CCNH: variants seen among roughly 807,000 people sequenced by gnomAD.
CCNH encodes cyclin H.
In CCNH, 31 loss-of-function variants were observed where a neutral mutation model predicts 41.9. The observed-to-expected ratio is 0.74, with a 90% confidence interval of 0.56 to 1.00. The LOEUF (loss-of-function observed/expected upper bound fraction) is 1.00, where lower values mean the gene tolerates loss of function less well. CCNH is among the 50% of genes least tolerant of loss of function. CCNH has a pLI of 0.00. For missense variants in CCNH, 362 were observed against 388.4 expected, an observed-to-expected ratio of 0.93 and a Z score of 0.57; for synonymous variants, 138 against 136.1, an observed-to-expected ratio of 1.01 and a Z score of -0.10.
intron 9 of CCNH, among the ~76,000 whole-genome samples, chr5:87,368,429 T>C (rs1436378481): frequency 6.6e-6 from 1 of 152,210 alleles, no homozygotes; most frequent in Non-Finnish European, 1.5e-5. Context: ...CTTTCTGGTT[T>C]TTCATCTTAA....
rs564906280 is a variant in CCNH, at chr5:87,333,750, T to C, written c.*91-14853A>G. On this transcript the variant is annotated intron_variant and NMD_transcript_variant, in intron 9 of 9. Coordinates refer to the CCNH transcript ENST00000645953. ...AACTATGCAACATGTTAGTTTGTGG[T>C]TTTATTTCTATATAATTATATAATT... is the stretch of plus-strand genomic sequence containing the variant. Among the ~76,000 whole-genome samples the C allele has an allele frequency of 2.6e-5, 4 of 152,268 alleles. No individual in the cohort carries two copies. The South Asian group carries it at 8.3e-4, about 32-fold the overall frequency.
At chr5:87,349,002 A>G (rs1759062628) in intron 9 of CCNH, among the ~76,000 whole-genome samples, 2 of 151,964 alleles carry the variant, frequency 1.3e-5, no homozygotes, top group South Asian at 4.1e-4. Context: ...TAAAGCTGGT[A>G]AGATACACCA....
chr5:87,410,047 G>C (rs1764111184), intron 2 of CCNH, among the ~76,000 whole-genome samples: 1 of 152,134 alleles, frequency 6.6e-6, no homozygotes, highest in African/African-American at 2.4e-5. Context: ...AGCTAATAAG[G>C]AACAGGAATG....
chr5:87,393,648 G>A (rs1381919394), downstream of CCNH: 4 of 151,954 alleles, frequency 2.6e-5, no homozygotes, highest in African/African-American at 7.3e-5. Context: ...CTACTTACAC[G>A]GATTCACTTA....
chr5:87,372,193 C>A (rs1173108838), downstream of CCNH: 17 of 1,612,898 alleles, frequency 1.1e-5, no homozygotes, highest in Non-Finnish European at 9.3e-6. Context: ...ACGCCTTCGT[C>A]AGGTGAAGCT....
chr5:87,337,971 C>T, intron 9 of CCNH: 2 of 1,602,946 alleles, frequency 1.2e-6, no homozygotes, highest in Non-Finnish European at 1.7e-6. Context: ...TTGCTATTTT[C>T]AGTTTCTTAA....
chr5:87,405,877 T>C (rs928263417), intron 4 of CCNH, among the ~76,000 whole-genome samples: 4 of 152,022 alleles, frequency 2.6e-5, no homozygotes, highest in East Asian at 3.9e-4. Flanking sequence ...TTTGCAACTA[T>C]ACCAAGATTT....
chr5:87,323,567 T>C (rs962472847), intron 9 of CCNH, among the ~76,000 whole-genome samples: 3 of 152,222 alleles, frequency 2.0e-5, no homozygotes, highest in African/African-American at 7.2e-5. Context: ...ATAAGTAAGG[T>C]AGTATGTCTG....
intron 4 of CCNH, among the ~76,000 whole-genome samples, chr5:87,406,867 A>G (rs1373004326): frequency 6.6e-6 from 1 of 152,128 alleles, no homozygotes; most frequent in Non-Finnish European, 1.5e-5. Flanking sequence ...GATGCGCGAT[A>G]AATACCTGAT....
intron 9 of CCNH, among the ~76,000 whole-genome samples, chr5:87,328,251 C>CA (rs1561284501): frequency 6.6e-6 from 1 of 152,076 alleles, no homozygotes; most frequent in Non-Finnish European, 1.5e-5. Context: ...ATGTTACACT[C>CA]AGAGTATTCT....
At chr5:87,332,436 C>T in intron 9 of CCNH, 1 of 1,431,552 alleles carries the variant, frequency 7.0e-7, no homozygotes, top group Non-Finnish European at 9.7e-7. Flanking sequence ...TTTATAATTT[C>T]TTTATAAAAC....
chr5:87,397,674 A>G (rs1763075074), intron 7 of CCNH, among the ~76,000 whole-genome samples: 1 of 152,218 alleles, frequency 6.6e-6, no homozygotes, highest in South Asian at 2.1e-4. Context: ...GGCCCAGTAC[A>G]AGGCAGATGG....
At position 87,376,541 on chromosome 5, in the gene CCNH, A is replaced by G; in HGVS notation, n.640T>C. ...ACTCTATGGAAAAAATCATGCCAGA[A>G]GAAGAGTACAGTGAATTTAAAGAGG... On this transcript the variant is annotated non_coding_transcript_exon_variant, in exon 1 of 1. Transcript: ENST00000607486. 6.2e-7 allele frequency: 1 copy of G among 1,614,042 alleles called. No individual in the cohort carries two copies. The highest frequency in any genetic ancestry group is 8.5e-7 in the Non-Finnish European group (1 of 1,179,928).
chr5:87,378,581 A>T (rs1276975733), upstream of CCNH: 1 of 1,534,488 alleles, frequency 6.5e-7, no homozygotes, highest in Non-Finnish European at 9.0e-7. Flanking sequence ...CAAAGAACAT[A>T]TTTTAATAGG....
Position 87,410,302 on chromosome 5 carries a change from T to A in CCNH, c.240+922A>T, listed in dbSNP as rs1201143247. On this transcript the variant is annotated intron_variant, in intron 2 of 8. Transcript: ENST00000256897. ...TTCATTTGATAAGATCACTTAAATTTACTGCCTCATTTTACAGTTCTTTTG... is the reference window on the plus strand; with the variant it reads ...TTCATTTGATAAGATCACTTAAATTAACTGCCTCATTTTACAGTTCTTTTG... Among the ~76,000 whole-genome samples, 3 of 152,200 alleles carry A rather than the reference T, an allele frequency of 2.0e-5. No individual in the cohort carries two copies. The East Asian group carries it at 5.8e-4, about 29-fold the overall frequency.
At chr5:87,383,048 T>G (rs1761831920) in intron 9 of CCNH, among the ~76,000 whole-genome samples, 1 of 152,060 alleles carries the variant, frequency 6.6e-6, no homozygotes, top group African/African-American at 2.4e-5. Context: ...GCTGTGATTG[T>G]GGGCCACTGC....
intron 5 of CCNH, among the ~76,000 whole-genome samples, chr5:87,403,788 T>C (rs1157427862): frequency 6.6e-6 from 1 of 151,924 alleles, no homozygotes; most frequent in African/African-American, 2.4e-5. Flanking sequence ...TCAAAAAAAA[T>C]AACCACCCAA....
At chr5:87,325,650 A>C (rs958722753) in intron 9 of CCNH, among the ~76,000 whole-genome samples, 2 of 152,232 alleles carry the variant, frequency 1.3e-5, no homozygotes, top group African/African-American at 4.8e-5. Context: ...AATATAACCA[A>C]AAGGAAAAAC....
intron 9 of CCNH, chr5:87,362,530 T>G: frequency 6.3e-7 from 1 of 1,576,554 alleles, no homozygotes; most frequent in Non-Finnish European, 8.7e-7. Flanking sequence ...TGAAATAATT[T>G]TAATGTTTTT....
Sources: allele counts gnomAD v4.1 joint callset (sites outside exome capture counted in the v4.1 genomes callset), GRCh38; gene constraint gnomAD v4.1.1; transcripts MANE v1.5; gene names NCBI Gene and HGNC (gene_info 2026-07-23, HGNC 2026-07-21).